MED12L: variants seen among roughly 807,000 people sequenced by gnomAD.
The protein encoded by MED12L is mediator complex subunit 12L.
A neutral mutation model predicts 281.3 loss-of-function variants in MED12L; 60 were observed. The observed-to-expected ratio is 0.21, with a 90% CI of 0.17 to 0.26. The LOEUF (loss-of-function observed/expected upper bound fraction) is 0.26. Among genes scored for constraint, MED12L ranks in the 10% least tolerant of loss-of-function variants. MED12L has a pLI of 1.00. For missense variants in MED12L, 2,146 were observed against 2,680.9 expected (o/e 0.80, Z 4.41); for synonymous variants, 974 against 987.2 (o/e 0.99, Z 0.25).
intron 16 of MED12L, among the ~76,000 whole-genome samples, chr3:151,273,706 T>A (rs1436025158): frequency 6.6e-6 from 1 of 152,146 alleles, no homozygotes; most frequent in East Asian, 1.9e-4. Context: ...AAAGTCTGAT[T>A]CTAGAATGCC....
At chr3:151,227,716 G>A (rs2870519) in intron 16 of MED12L, among the ~76,000 whole-genome samples, 152,348 of 152,350 alleles carry the variant, frequency 1, 76,173 homozygotes, top group Non-Finnish European at 1. Context: ...GCCACCCACT[G>A]TTAGCCTTTA....
intron 16 of MED12L, among the ~76,000 whole-genome samples, chr3:151,307,577 G>A (rs1746870071): frequency 1.1e-5 from 1 of 94,948 alleles, no homozygotes; most frequent in Admixed American, 1.1e-4. Flanking sequence ...GTGTGTGTGT[G>A]TGTGTGTGTT....
intron 16 of MED12L, among the ~76,000 whole-genome samples, chr3:151,306,041 A>G (rs184759948): frequency 2.4e-3 from 360 of 152,296 alleles, no homozygotes; most frequent in Middle Eastern, 6.8e-3. Context: ...CACCTCTTTC[A>G]GGAGCATTAC....
rs1372058362 is a variant in MED12L at position 151,434,067 on chromosome 3, G to A, written c.*1263G>A. On this transcript the variant is annotated 3_prime_UTR_variant, in exon 45 of 45. Coordinates refer to ENST00000687756, the MANE Select transcript of MED12L (RefSeq NM_001393769.1). ...TTTAGATTTAGATGCATAAAATTTT[G>A]AATGTGAAAATTGCAGGGCATTTTA... 2.0e-5 allele frequency: 3 copies of A among 152,420 alleles called. No homozygotes were observed. Among genetic ancestry groups the A allele is most frequent in the African/African-American group, 4.8e-5 (2 of 41,416 alleles). 9.4% of individuals were successfully genotyped at this position (152,420 alleles called of 1,614,324 possible). A position where few individuals can be genotyped will look rare whatever the true frequency, so the allele number is the denominator to read the frequency against.
intron 23 of MED12L, among the ~76,000 whole-genome samples, chr3:151,366,683 C>G (rs544144622): frequency 1.3e-5 from 2 of 152,114 alleles, no homozygotes; most frequent in African/African-American, 2.4e-5. Flanking sequence ...ACACCTGCCT[C>G]TCAGTTGAAG....
intron 8 of MED12L, among the ~76,000 whole-genome samples, chr3:151,162,037 G>A (rs1453433208): frequency 2.0e-5 from 3 of 152,016 alleles, no homozygotes; most frequent in African/African-American, 7.2e-5. Flanking sequence ...ACGTGTTTAT[G>A]AAGAGAAGAG....
At chr3:151,116,483 G>A in intron 3 of MED12L, 41 bp downstream of exon 3, 4 of 1,275,000 alleles carry the variant, frequency 3.1e-6, no homozygotes, top group Non-Finnish European at 4.5e-6. Flanking sequence ...CTGAAAAAGT[G>A]TGTATATGTG....
chr3:151,348,061 T>C (rs1218954606), intron 16 of MED12L, among the ~76,000 whole-genome samples: 2 of 152,182 alleles, frequency 1.3e-5, no homozygotes, highest in African/African-American at 2.4e-5. Flanking sequence ...TTGATGACAT[T>C]GAATCTGTGC....
At chr3:151,221,173 A>T (rs931000248) in intron 16 of MED12L, among the ~76,000 whole-genome samples, 8 of 152,204 alleles carry the variant, frequency 5.3e-5, no homozygotes, top group African/African-American at 1.2e-4. Context: ...GATTTAGGGT[A>T]TCTAGCTGAA....
At chr3:151,409,447 T>A in intron 40 of MED12L, 115 bp downstream of exon 40, 1 of 834,548 alleles carries the variant, frequency 1.2e-6, no homozygotes, top group East Asian at 2.6e-5. Flanking sequence ...CTTGATTACT[T>A]CTTCTACTTA....
intron 16 of MED12L, chr3:151,329,460 A>G (rs973166718): frequency 8.7e-6 from 13 of 1,501,406 alleles, no homozygotes; most frequent in Non-Finnish European, 1.2e-5. Flanking sequence ...CACACTCATA[A>G]TAACAAAAAT....
intron 44 of MED12L, among the ~76,000 whole-genome samples, chr3:151,431,487 C>G (rs1437330008): frequency 6.6e-6 from 1 of 152,072 alleles, no homozygotes; most frequent in Non-Finnish European, 1.5e-5. Context: ...AAATATTTTC[C>G]TCTTATGGCC....
intron 17 of MED12L, among the ~76,000 whole-genome samples, chr3:151,350,699 G>A (rs770934370): frequency 2.0e-5 from 3 of 152,150 alleles, no homozygotes; most frequent in Non-Finnish European, 4.4e-5. Flanking sequence ...TGAGAAAAAT[G>A]ATTGCAGTAG....
intron 4 of MED12L, among the ~76,000 whole-genome samples, chr3:151,126,214 G>C (rs1034791891): frequency 1.3e-5 from 2 of 151,848 alleles, no homozygotes; most frequent in Non-Finnish European, 2.9e-5. Flanking sequence ...ACACTCACCT[G>C]ATTTTTATAT....
intron 17 of MED12L, among the ~76,000 whole-genome samples, chr3:151,350,774 T>C (rs964842227): frequency 5.9e-5 from 9 of 152,240 alleles, no homozygotes; most frequent in African/African-American, 2.2e-4. Context: ...TGCTCTATAA[T>C]GTCTTCTTTA....
At chr3:151,354,588 A>G (rs919659580) in intron 17 of MED12L, among the ~76,000 whole-genome samples, 3 of 152,206 alleles carry the variant, frequency 2.0e-5, no homozygotes, top group Non-Finnish European at 4.4e-5. Flanking sequence ...TGTGGATATC[A>G]TTGTAATTTA....
Position 151,116,377 on chromosome 3 carries a change from A to C in MED12L, c.139A>C (p.Asn47His), listed in dbSNP as rs759957670. 3 of 1,613,544 alleles carry C rather than the reference A, an allele frequency of 1.9e-6. No homozygotes were observed. In the African/African-American group the frequency reaches 4.0e-5, roughly 22 times the overall value. The change falls in exon 3 of 45, where the codon AAT becomes CAT. Residue 47 changes from asparagine to histidine, a missense_variant. By Grantham distance (68) the Asn-to-His change is moderately conservative. Coordinates refer to ENST00000687756, the MANE Select transcript of MED12L (RefSeq NM_001393769.1). ...TGTGAATGTAAAGCAAGGCTTCAAT[A>C]ATCAGCCAGCCTTCACTGGAGATGA... Reference protein sequence around the residue: ...TAVNVKQGFNNQPAFTGDEHG... With the variant: ...TAVNVKQGFNHQPAFTGDEHG...
At chr3:151,322,211 G>C (rs1444640750) in intron 16 of MED12L, among the ~76,000 whole-genome samples, 1 of 152,032 alleles carries the variant, frequency 6.6e-6, no homozygotes, top group Non-Finnish European at 1.5e-5. Flanking sequence ...TTTGAGGCAG[G>C]GTCTTGCTCT....
At chr3:151,253,196 A>G (rs912541948) in intron 16 of MED12L, among the ~76,000 whole-genome samples, 7 of 152,180 alleles carry the variant, frequency 4.6e-5, no homozygotes, top group African/African-American at 1.7e-4. Flanking sequence ...TCAGTGTCTG[A>G]GATTTAAGAG....
Sources: gnomAD v4.1 joint callset for allele counts (sites outside exome capture counted in the v4.1 genomes callset) on GRCh38, gnomAD v4.1.1 for gene constraint, MANE v1.5 for transcripts, NCBI Gene and HGNC (gene_info 2026-07-23, HGNC 2026-07-21) for gene names.